Variants in CDK14 observed in about 807,000 individuals in gnomAD.
The protein encoded by CDK14 is cyclin dependent kinase 14.
A neutral mutation model predicts 60.7 loss-of-function variants in CDK14; 34 were observed. That is an observed-to-expected ratio of 0.56 (90% CI 0.43 to 0.75). The LOEUF (loss-of-function observed/expected upper bound fraction) is 0.75. CDK14 is among the 30% of genes least tolerant of loss of function. The probability of loss-of-function intolerance (pLI) is 0.00; values close to 1 mark genes in which losing one functional copy is unlikely to be tolerated. For missense variants in CDK14, 482 were observed against 564.1 expected (o/e 0.85, Z 1.47); for synonymous variants, 197 against 203.7 (o/e 0.97, Z 0.28).
intron 2 of CDK14, among the ~76,000 whole-genome samples, chr7:90,681,254 C>T (rs186534116): frequency 6.6e-6 from 1 of 152,282 alleles, no homozygotes; most frequent in African/African-American, 2.4e-5. Flanking sequence ...AACAGGGAGG[C>T]TCTTAACTGA....
intron 2 of CDK14, among the ~76,000 whole-genome samples, chr7:90,654,387 G>A (rs1800710175): frequency 6.6e-6 from 1 of 152,182 alleles, no homozygotes; most frequent in African/African-American, 2.4e-5. Flanking sequence ...CAAATCAGTT[G>A]CTAATTCTTT....
At chr7:90,993,063 C>A (rs1473890187) in intron 10 of CDK14, among the ~76,000 whole-genome samples, 1 of 151,954 alleles carries the variant, frequency 6.6e-6, no homozygotes, top group Admixed American at 6.6e-5. Flanking sequence ...GGAAGAATGT[C>A]CAGAGGATGA....
chr7:91,114,768 C>A (rs1399152402), intron 13 of CDK14, among the ~76,000 whole-genome samples: 1 of 152,100 alleles, frequency 6.6e-6, no homozygotes. Flanking sequence ...AGGCATAAAT[C>A]CAGTTGCAAG....
chr7:90,736,715 G>C (rs1309549416), intron 3 of CDK14, among the ~76,000 whole-genome samples: 1 of 152,146 alleles, frequency 6.6e-6, no homozygotes, highest in Non-Finnish European at 1.5e-5. Flanking sequence ...AGGAAAATGT[G>C]ATAGAAGTGT....
chr7:90,916,636 T>C (rs17398445), intron 7 of CDK14, among the ~76,000 whole-genome samples: 3,671 of 152,320 alleles, frequency 0.024, 61 homozygotes, highest in South Asian at 0.046. Context: ...CTGCCTTTGG[T>C]TACTAACTGG....
At chr7:90,782,052 T>G (rs1357165700) in intron 4 of CDK14, among the ~76,000 whole-genome samples, 6 of 152,238 alleles carry the variant, frequency 3.9e-5, no homozygotes, top group Admixed American at 1.3e-4. Context: ...CCCATGAGCA[T>G]GGAATATTCT....
chr7:90,713,697 G>A (rs1802143554), intron 2 of CDK14, among the ~76,000 whole-genome samples: 1 of 149,942 alleles, frequency 6.7e-6, no homozygotes, highest in African/African-American at 2.5e-5. Flanking sequence ...TGCAGATAAA[G>A]TTGTTTTTTG....
intron 5 of CDK14, among the ~76,000 whole-genome samples, chr7:90,825,718 A>G (rs1407125843): frequency 6.6e-6 from 1 of 152,206 alleles, no homozygotes; most frequent in Non-Finnish European, 1.5e-5. Flanking sequence ...GCTCAATTTT[A>G]GGGATTTGGG....
chr7:91,089,779 A>G (rs751126469), intron 12 of CDK14, among the ~76,000 whole-genome samples: 34 of 152,302 alleles, frequency 2.2e-4, no homozygotes, highest in Non-Finnish European at 3.8e-4. Context: ...CTTGGAGGCT[A>G]CTTAGGGATT....
intron 10 of CDK14, among the ~76,000 whole-genome samples, chr7:91,036,218 A>C (rs943233477): frequency 6.6e-6 from 1 of 152,146 alleles, no homozygotes; most frequent in Non-Finnish European, 1.5e-5. Flanking sequence ...GCTGGAGCTC[A>C]TGTGGTTCTT....
At chr7:90,775,190 G>A (rs1233648859) in intron 4 of CDK14, among the ~76,000 whole-genome samples, 1 of 152,138 alleles carries the variant, frequency 6.6e-6, no homozygotes, top group Non-Finnish European at 1.5e-5. Context: ...TTGAAATGCT[G>A]TAAAGTTGAG....
At chr7:90,868,323 A>G (rs1584065354) in intron 6 of CDK14, among the ~76,000 whole-genome samples, 1 of 151,370 alleles carries the variant, frequency 6.6e-6, no homozygotes, top group Non-Finnish European at 1.5e-5. Flanking sequence ...ACACATACAC[A>G]TACATACACA....
At chr7:91,015,056 A>G (rs139857175) in intron 10 of CDK14, among the ~76,000 whole-genome samples, 17 of 152,286 alleles carry the variant, frequency 1.1e-4, no homozygotes, top group African/African-American at 2.9e-4. Flanking sequence ...TGTAATAGAT[A>G]ATATTCTGTG....
rs1802985311 is a variant in CDK14, at chr7:91,209,095, G to T, written c.*1959G>T. 6.6e-6 allele frequency: 1 copy of T among 152,532 alleles called. No homozygotes were observed. Among genetic ancestry groups the T allele is most frequent in the Non-Finnish European group, 1.5e-5 (1 of 68,030 alleles). The allele number at this position is 152,532 out of a possible 1,614,324, so 9.4% of individuals were successfully genotyped here. The stretch of plus-strand genomic sequence containing the variant: ...TGATTTGTTTTTAATCATTCATTTG[G>T]AGAAGAGGCATGACCTTTGTATTTC... On this transcript the variant is annotated 3_prime_UTR_variant, in exon 15 of 15. Transcript: ENST00000380050.
At chr7:90,886,892 C>CT (rs1791961716) in intron 6 of CDK14, among the ~76,000 whole-genome samples, 1 of 151,950 alleles carries the variant, frequency 6.6e-6, no homozygotes, top group Non-Finnish European at 1.5e-5. Flanking sequence ...TTTCTTTATC[C>CT]ATGGATTGAG....
chr7:90,736,344 G>GCTTTTTTTTTTTTTTTTTTTTTTTT (rs1563063351), intron 3 of CDK14, among the ~76,000 whole-genome samples: 1 of 41,034 alleles, frequency 2.4e-5, no homozygotes, highest in African/African-American at 9.0e-5. Context: ...ACTTTATTAT[G>GCTTTTTTTTTTTTTTTTTTTTTTTT]TTTTTGTTTT....
intron 11 of CDK14, among the ~76,000 whole-genome samples, chr7:91,077,282 G>A (rs1798348596): frequency 6.6e-6 from 1 of 152,196 alleles, no homozygotes; most frequent in Non-Finnish European, 1.5e-5. Context: ...TAAAGAAAAT[G>A]TGGTACATAT....
At chr7:91,010,129 T>C (rs1796107538) in intron 10 of CDK14, among the ~76,000 whole-genome samples, 1 of 152,152 alleles carries the variant, frequency 6.6e-6, no homozygotes, top group Admixed American at 6.5e-5. Context: ...GACTGTTTCA[T>C]CTTGATGTCA....
At position 90,792,152 on chromosome 7, in the gene CDK14, G is replaced by A. The variant is rs1167175274; in HGVS notation, c.544+1500G>A. ...CTTGAAGTAGTGATCCACTCACCTC[G>A]GCCTCCCAAAGTGCTGGGATTACAG... On this transcript the variant is annotated intron_variant, in intron 5 of 14. Coordinates refer to ENST00000380050, the MANE Select transcript of CDK14 (RefSeq NM_001287135.2). 4.6e-5 allele frequency among the ~76,000 whole-genome samples: 7 copies of A among 150,850 alleles called. No individual in the cohort carries two copies. In the East Asian group the frequency reaches 7.8e-4, roughly 17 times the overall value.
Sources: gnomAD v4.1 joint callset for allele counts (sites outside exome capture counted in the v4.1 genomes callset) on GRCh38, gnomAD v4.1.1 for gene constraint, MANE v1.5 for transcripts, NCBI Gene and HGNC (gene_info 2026-07-23, HGNC 2026-07-21) for gene names.